The following CERS6 variants were observed in gnomAD, a reference collection of about 807,000 sequenced individuals.
The protein encoded by CERS6 is ceramide synthase 6.
CERS6 carries 26 observed loss-of-function variants against 56.8 expected under a neutral mutation model. That is an observed-to-expected ratio of 0.46 (90% CI 0.34 to 0.63). The LOEUF (loss-of-function observed/expected upper bound fraction) is 0.63, where lower values mean the gene tolerates loss of function less well. Among genes scored for constraint, CERS6 ranks in the 30% least tolerant of loss-of-function variants. The pLI is 0.01. For synonymous variants in CERS6, 164 were observed against 173.3 expected, an observed-to-expected ratio of 0.95 and a Z score of 0.42; for missense variants, 415 against 467.5, an observed-to-expected ratio of 0.89 and a Z score of 1.04.
At chr2:168,576,178 C>T (rs1290308310) in intron 3 of CERS6, among the ~76,000 whole-genome samples, 1 of 152,118 alleles carries the variant, frequency 6.6e-6, no homozygotes, top group Non-Finnish European at 1.5e-5. Flanking sequence ...CTCCTACCCC[C>T]ATTCTCTTTT....
intron 1 of CERS6, among the ~76,000 whole-genome samples, chr2:168,480,174 G>A (rs1694153899): frequency 6.6e-6 from 1 of 152,184 alleles, no homozygotes; most frequent in Non-Finnish European, 1.5e-5. Context: ...ATATGGATGA[G>A]TCTTTGAGTC....
rs773596711 is a variant in CERS6, at chr2:168,456,667, C to T, written c.170+49C>T. On this transcript the variant is annotated intron_variant, in intron 1 of 9. Coordinates refer to ENST00000305747, the MANE Select transcript of CERS6 (RefSeq NM_203463.3). The surrounding 1 kb of genome is among the most constrained non-coding windows in gnomAD (Gnocchi z 4.1). Reference sequence around the variant, plus strand: ...TCCCCTCCCCCTGCGCACACACACGCGCGCACACACTCGCGCGCTCTCTGG... The same window carrying T: ...TCCCCTCCCCCTGCGCACACACACGTGCGCACACACTCGCGCGCTCTCTGG... The T allele has an allele frequency of 1.9e-6, 3 of 1,567,912 alleles. No homozygotes were observed. Among genetic ancestry groups the T allele is most frequent in the African/African-American group, 1.4e-5 (1 of 73,478 alleles).
chr2:168,715,080 T>C lies in CERS6; in HGVS notation c.689T>C (p.Val230Ala). ...TCATATGTCAACAATATGGCCCGAGTAGGAACGCTGGTCCTTTGTCTTCAT... is the reference window on the plus strand; with the variant it reads ...TCATATGTCAACAATATGGCCCGAGCAGGAACGCTGGTCCTTTGTCTTCAT... The part of the protein sequence containing the change: ...TFSYVNNMAR[V>A]GTLVLCLHDS... The change falls in exon 7 of 10, where the codon GTA (valine) becomes GCA (alanine). Residue 230 changes from valine (V) to alanine (A), a missense_variant. Transcript: ENST00000305747. The C allele has an allele frequency of 3.1e-6, 5 of 1,613,006 alleles. No homozygotes were observed. The East Asian group carries it at 8.9e-5, about 29-fold the overall frequency.
intron 1 of CERS6, among the ~76,000 whole-genome samples, chr2:168,522,373 G>A (rs1694997909): frequency 6.6e-6 from 1 of 152,116 alleles, no homozygotes; most frequent in African/African-American, 2.4e-5. Context: ...TTTTAAAGCA[G>A]GGCTCACTTA....
chr2:168,660,009 C>A (rs1253973671), intron 4 of CERS6, among the ~76,000 whole-genome samples: 2 of 152,070 alleles, frequency 1.3e-5, no homozygotes, highest in African/African-American at 4.8e-5. Context: ...TGGAAATGTG[C>A]CTGGAGTGAG....
At chr2:168,739,645 A>T (rs1683832302) in intron 8 of CERS6, among the ~76,000 whole-genome samples, 1 of 151,960 alleles carries the variant, frequency 6.6e-6, no homozygotes, top group South Asian at 2.1e-4. Flanking sequence ...TTATGCTGTT[A>T]TTTTATTCCA....
chr2:168,721,565 T>TG (rs756264809), intron 8 of CERS6, among the ~76,000 whole-genome samples: 2 of 24,904 alleles, frequency 8.0e-5, no homozygotes, highest in Non-Finnish European at 2.2e-4. Context: ...TTTTTTTTTT[T>TG]GTTTAAAAAA....
At chr2:168,527,839 A>G (rs543456222) in intron 1 of CERS6, among the ~76,000 whole-genome samples, 3 of 151,884 alleles carry the variant, frequency 2.0e-5, no homozygotes, top group South Asian at 4.2e-4. Context: ...TCCCACCTCA[A>G]CCTCCCAAGT....
chr2:168,504,313 G>A (rs1216853462), intron 1 of CERS6, among the ~76,000 whole-genome samples: 1 of 152,038 alleles, frequency 6.6e-6, no homozygotes, highest in East Asian at 1.9e-4. Context: ...TGAGGCTGCA[G>A]TGAGCCAAGA....
At chr2:168,679,939 G>A (rs1686167909) in intron 4 of CERS6, among the ~76,000 whole-genome samples, 1 of 152,178 alleles carries the variant, frequency 6.6e-6, no homozygotes, top group African/African-American at 2.4e-5. Flanking sequence ...AAACGTTGAT[G>A]ACTGATTAGG....
At chr2:168,524,391 G>C (rs766320541) in intron 1 of CERS6, among the ~76,000 whole-genome samples, 1 of 151,744 alleles carries the variant, frequency 6.6e-6, no homozygotes, top group Admixed American at 6.6e-5. Context: ...GGAAAAAGAC[G>C]TGGTGATTGT....
At chr2:168,586,867 G>T (rs1437990757) in intron 3 of CERS6, among the ~76,000 whole-genome samples, 1 of 152,120 alleles carries the variant, frequency 6.6e-6, no homozygotes, top group East Asian at 1.9e-4. Context: ...TATACTAGGG[G>T]TCCTTAATAA....
chr2:168,690,985 CTT>C, intron 4 of CERS6, 47 bp from the exon 5 acceptor site: 2 of 1,536,866 alleles, frequency 1.3e-6, no homozygotes, highest in Non-Finnish European at 1.8e-6. Flanking sequence ...TTTTTATCCT[CTT>C]ATCCATGTTC....
intron 1 of CERS6, among the ~76,000 whole-genome samples, chr2:168,532,765 A>C (rs1558986645): frequency 6.6e-6 from 1 of 152,202 alleles, no homozygotes; most frequent in African/African-American, 2.4e-5. Flanking sequence ...ATACAGAAAA[A>C]CATTTTTTAA....
In CERS6 at chr2:168,530,228, A is replaced by G. The variant is rs150722980; in HGVS notation, c.171-17368A>G. Among the ~76,000 whole-genome samples the G allele has an allele frequency of 4.9e-3, 744 of 152,326 alleles. 5 individuals are homozygous for G. Among genetic ancestry groups the G allele is most frequent in the African/African-American group, 0.017 (707 of 41,580 alleles). ...GTTAGAGATGGAGTTGCCAAATCGC[A>G]TTCAGTGAGGTACAGTGGCATGGCT... is the stretch of plus-strand genomic sequence containing the variant. On this transcript the variant is annotated intron_variant, in intron 1 of 9. Transcript: ENST00000305747.
chr2:168,653,218 A>G (rs1348252884), intron 4 of CERS6, among the ~76,000 whole-genome samples: 1 of 152,170 alleles, frequency 6.6e-6, no homozygotes, highest in Non-Finnish European at 1.5e-5. Context: ...TGTGTTTGTA[A>G]ATGACTATTT....
intron 3 of CERS6, among the ~76,000 whole-genome samples, chr2:168,620,292 A>G (rs915750743): frequency 2.0e-5 from 3 of 152,048 alleles, no homozygotes; most frequent in Non-Finnish European, 4.4e-5. Flanking sequence ...GAAGGGTGTG[A>G]GGGATAAAAG....
At chr2:168,613,771 A>G (rs763532084) in intron 3 of CERS6, among the ~76,000 whole-genome samples, 5 of 152,198 alleles carry the variant, frequency 3.3e-5, no homozygotes, top group Non-Finnish European at 5.9e-5. Context: ...AATACCATGT[A>G]ATAGTGGCTA....
chr2:168,761,098 C>A (rs376658963), intron 8 of CERS6, among the ~76,000 whole-genome samples: 1 of 152,038 alleles, frequency 6.6e-6, no homozygotes, highest in South Asian at 2.1e-4. Flanking sequence ...TATGTTCTCT[C>A]TGTTCCCTAG....
Sources: allele counts gnomAD v4.1 joint callset (sites outside exome capture counted in the v4.1 genomes callset), GRCh38; gene constraint gnomAD v4.1.1; non-coding constraint Gnocchi (gnomAD v3.1); transcripts MANE v1.5; gene names NCBI Gene and HGNC (gene_info 2026-07-23, HGNC 2026-07-21).